Variants in RRP12 observed in about 807,000 individuals in gnomAD.
The protein encoded by RRP12 is ribosomal RNA processing 12 homolog.
In RRP12, 78 loss-of-function variants were observed where a neutral mutation model predicts 157.3. The ratio of observed to expected loss-of-function variants is 0.50; its 90% CI spans 0.41 to 0.60. The LOEUF (loss-of-function observed/expected upper bound fraction) is 0.60. RRP12 is among the 20% of genes least tolerant of loss of function. The pLI, the probability that RRP12 is intolerant of heterozygous loss-of-function variation, is 0.00. For synonymous variants in RRP12, 726 were observed against 670.9 expected (o/e 1.08, Z -1.27); for missense variants, 1,521 against 1,679.9 (o/e 0.91, Z 1.65).
At chr10:97,375,979 C>A (rs1233260054) in intron 15 of RRP12, among the ~76,000 whole-genome samples, 1 of 151,998 alleles carries the variant, frequency 6.6e-6, no homozygotes, top group African/African-American at 2.4e-5. Flanking sequence ...TGGTACACGC[C>A]TGTAGACGAA....
intron 18 of RRP12, 84 bp downstream of exon 18, chr10:97,372,962 C>G: frequency 6.8e-7 from 1 of 1,479,718 alleles, no homozygotes; most frequent in Non-Finnish European, 9.2e-7. Context: ...CCACGTGAGC[C>G]CTGGTGGGTA....
At chr10:97,363,457 G>A (rs1843893337) in intron 30 of RRP12, among the ~76,000 whole-genome samples, 1 of 139,810 alleles carries the variant, frequency 7.2e-6, no homozygotes, top group Non-Finnish European at 1.7e-5. Flanking sequence ...ACCTCTGTAC[G>A]CTCCTCTGGT....
rs568827372 is a variant in RRP12, at chr10:97,396,159, C to A, written c.453+59G>T. 13 of 1,231,556 alleles carry A rather than the reference C, an allele frequency of 1.1e-5. No homozygotes were observed. In the South Asian group the frequency reaches 1.3e-4, roughly 13 times the overall value. 76.3% of individuals were successfully genotyped at this position (1,231,556 alleles called of 1,614,324 possible). A position where few individuals can be genotyped will look rare whatever the true frequency, so the allele number is the denominator to read the frequency against. On this transcript the variant is annotated intron_variant, in intron 3 of 33. Transcript: ENST00000370992. ...CACATGCCAGGGGCACTCATCTTCTCGCTAAATCTTGCATAACCTGCTGCT... is the reference window on the plus strand; with the variant it reads ...CACATGCCAGGGGCACTCATCTTCTAGCTAAATCTTGCATAACCTGCTGCT...
intron 19 of RRP12, 82 bp downstream of exon 19, chr10:97,372,654 G>A (rs1013624400): frequency 4.6e-5 from 51 of 1,098,572 alleles, no homozygotes; most frequent in Non-Finnish European, 6.9e-5. Flanking sequence ...AATGCAAGAG[G>A]GAACCCACAG....
chr10:97,379,224 A>G, intron 15 of RRP12, 69 bp downstream of exon 15: 1 of 1,573,272 alleles, frequency 6.4e-7, no homozygotes, highest in Non-Finnish European at 8.7e-7. Context: ...CACCCTTCCC[A>G]ATCCCTTCTG....
intron 25 of RRP12, 169 bp from the exon 26 acceptor site, chr10:97,367,301 C>T: frequency 1.6e-6 from 1 of 619,844 alleles, no homozygotes. Flanking sequence ...CTCGGGTGGG[C>T]AGGCCCCATC....
chr10:97,370,658 G>A, intron 22 of RRP12, 58 bp downstream of exon 22: 1 of 1,599,080 alleles, frequency 6.3e-7, no homozygotes, highest in Non-Finnish European at 8.6e-7. Context: ...CCTGGATCCT[G>A]AGGCCCTTAA....
Position 97,369,594 on chromosome 10 carries a change from AG to A in RRP12, c.2798-13del. The stretch of plus-strand genomic sequence containing the variant: ...GGTCCCCATCAGACCTGTGGCAGTG[AG>A]GGGGTCACTGTCTAAGACACCCAGG... On this transcript the variant is annotated splice_polypyrimidine_tract_variant and intron_variant, in intron 24 of 33. Transcript: ENST00000370992. 1 of 1,553,810 alleles carries A rather than the reference AG, an allele frequency of 6.4e-7. No individual in the cohort carries two copies.
At chr10:97,375,193 A>G (rs537418278) in intron 15 of RRP12, among the ~76,000 whole-genome samples, 1 of 151,882 alleles carries the variant, frequency 6.6e-6, no homozygotes, top group East Asian at 1.9e-4. Context: ...TTCTGGGCTC[A>G]AGAAATCCTC....
chr10:97,397,338 T>A (rs1844994520), intron 2 of RRP12, among the ~76,000 whole-genome samples: 1 of 151,894 alleles, frequency 6.6e-6, no homozygotes, highest in Non-Finnish European at 1.5e-5. Context: ...TTTTTTGTAC[T>A]TTTAGTAGGG....
At chr10:97,397,520 G>T (rs900765644) in intron 2 of RRP12, among the ~76,000 whole-genome samples, 9 of 152,026 alleles carry the variant, frequency 5.9e-5, no homozygotes, top group African/African-American at 1.9e-4. Flanking sequence ...TGCAGGTGCA[G>T]AACCCGCAAA....
At chr10:97,372,904 G>T in intron 18 of RRP12, 101 bp from the exon 19 acceptor site, 1 of 1,438,310 alleles carries the variant, frequency 7.0e-7, no homozygotes, top group Non-Finnish European at 9.6e-7. Context: ...TCAGCCCCCA[G>T]CCCTGCCCAA....
At chr10:97,394,769 A>G (rs1486099578) in intron 3 of RRP12, among the ~76,000 whole-genome samples, 1 of 152,230 alleles carries the variant, frequency 6.6e-6, no homozygotes, top group Non-Finnish European at 1.5e-5. Flanking sequence ...AGGACCAGAT[A>G]GTAAATATTT....
At chr10:97,379,474 T>C in intron 14 of RRP12, 60 bp from the exon 15 acceptor site, 4 of 1,607,956 alleles carry the variant, frequency 2.5e-6, no homozygotes, top group African/African-American at 2.7e-5. Flanking sequence ...GGGCAGTGCA[T>C]AGCATACTGA....
Position 97,390,760 on chromosome 10 carries a change from G to A in RRP12, c.615C>T (p.Gly205=). The change falls in exon 5 of 34, where the codon GGC becomes GGT. Residue 205 remains glycine, a synonymous_variant. Transcript: ENST00000370992. ...TAACCCATCGGAGGACAGAGGTGGA[G>A]CCGCTGCTGGCCTGAGCTGACATGA... is the stretch of plus-strand genomic sequence containing the variant. ...MDIMSAQASS[G]STSVLRWVLS... The A allele has an allele frequency of 1.9e-6, 3 of 1,612,924 alleles. No individual in the cohort carries two copies. The highest frequency in any genetic ancestry group is 1.3e-5 in the African/African-American group (1 of 75,040).
intron 10 of RRP12, among the ~76,000 whole-genome samples, chr10:97,383,870 G>A (rs1844537277): frequency 6.6e-6 from 1 of 152,200 alleles, no homozygotes; most frequent in Non-Finnish European, 1.5e-5. Context: ...AACCTGGGAC[G>A]CAGGGCTCGC....
intron 29 of RRP12, among the ~76,000 whole-genome samples, chr10:97,364,869 CAG>C (rs932977811): frequency 1.3e-5 from 2 of 151,870 alleles, no homozygotes; most frequent in African/African-American, 4.8e-5. Context: ...TTTGGAAAGG[CAG>C]AGAGAGAGGG....
chr10:97,360,482 C>T (rs1843813290), intron 31 of RRP12, 64 bp downstream of exon 31: 2 of 1,344,364 alleles, frequency 1.5e-6, no homozygotes, highest in Admixed American at 1.7e-5. Flanking sequence ...CTTCCTGTGA[C>T]TCCCCTCCCT....
chr10:97,395,770 G>T (rs1844944279), intron 3 of RRP12, among the ~76,000 whole-genome samples: 1 of 151,076 alleles, frequency 6.6e-6, no homozygotes, highest in African/African-American at 2.4e-5. Context: ...AGAATCACAT[G>T]AACCCAGGAG....
Sources: allele counts gnomAD v4.1 joint callset (sites outside exome capture counted in the v4.1 genomes callset), GRCh38; gene constraint gnomAD v4.1.1; transcripts MANE v1.5; gene names NCBI Gene and HGNC (gene_info 2026-07-23, HGNC 2026-07-21).